Variants in PCDHA5 observed in about 807,000 individuals in gnomAD.
The protein encoded by PCDHA5 is protocadherin alpha-5.
In PCDHA5, 43 loss-of-function variants were observed where a neutral mutation model predicts 61.6. The observed-to-expected ratio is 0.70, with a 90% CI of 0.55 to 0.90. The LOEUF (loss-of-function observed/expected upper bound fraction) is 0.90, where lower values mean the gene tolerates loss of function less well. Among genes scored for constraint, PCDHA5 ranks in the 40% least tolerant of loss-of-function variants. PCDHA5 has a pLI of 0.00. For missense variants in PCDHA5, 1,298 were observed against 1,222.7 expected (o/e 1.06, Z -0.92); for synonymous variants, 627 against 543.9 (o/e 1.15, Z -2.13).
chr5:140,925,762 T>G (rs1172229426), intron 1 of PCDHA5, among the ~76,000 whole-genome samples: 3 of 152,052 alleles, frequency 2.0e-5, no homozygotes, highest in African/African-American at 7.2e-5. Flanking sequence ...ACAGAGTAGT[T>G]TCCTGGTCAA....
At chr5:140,926,281 T>A (rs2083071196) in intron 1 of PCDHA5, 1 of 152,306 alleles carries the variant, frequency 6.6e-6, no homozygotes, top group African/African-American at 2.4e-5. Context: ...GCTCGGCAGC[T>A]CCACGCTGAG....
chr5:140,888,611 G>T (rs1554183538), intron 1 of PCDHA5, among the ~76,000 whole-genome samples: 1 of 152,144 alleles, frequency 6.6e-6, no homozygotes, highest in Non-Finnish European at 1.5e-5. Context: ...TTTTAGTGTA[G>T]CACTAATTCG....
intron 3 of PCDHA5, among the ~76,000 whole-genome samples, chr5:140,989,548 T>G (rs914557459): frequency 1.3e-5 from 2 of 152,166 alleles, no homozygotes; most frequent in Non-Finnish European, 2.9e-5. Flanking sequence ...TGTAATTCCT[T>G]TACGTTTTGT....
At position 140,829,501 on chromosome 5, in the gene PCDHA5, G is replaced by C. The variant is rs2150169011; in HGVS notation, c.2352+5374G>C. 1.4e-5 allele frequency: 23 copies of C among 1,613,442 alleles called. No individual in the cohort carries two copies. The East Asian group carries it at 2.2e-4, about 16-fold the overall frequency. ...TGTTCGTGAAGGAGAACAACCCGCC[G>C]GGCTGCCACATCTTCACGGTGTCTG... On this transcript the variant is annotated intron_variant, in intron 1 of 3. Transcript: ENST00000529859.
intron 1 of PCDHA5, chr5:140,851,685 G>T: frequency 1.1e-6 from 1 of 926,488 alleles, no homozygotes; most frequent in Non-Finnish European, 1.3e-6. Context: ...TCTCCATTCA[G>T]TGATAAAATG....
chr5:140,884,158 G>A (rs376345503), intron 1 of PCDHA5: 8 of 1,613,488 alleles, frequency 5.0e-6, no homozygotes, highest in African/African-American at 1.3e-5. Context: ...ACACTGGCGA[G>A]ATCAGCACGA....
intron 1 of PCDHA5, chr5:140,852,294 C>T (rs1467732169): frequency 2.1e-6 from 1 of 469,886 alleles, no homozygotes; most frequent in Non-Finnish European, 2.9e-6. Flanking sequence ...TTTTATTTTT[C>T]TGAGACGGAG....
chr5:140,983,711 G>C (rs2097062291), intron 3 of PCDHA5, among the ~76,000 whole-genome samples: 1 of 152,202 alleles, frequency 6.6e-6, no homozygotes, highest in Non-Finnish European at 1.5e-5. Context: ...AGTATATCTA[G>C]CACTTATATT....
chr5:140,822,642 G>A lies in PCDHA5; in HGVS notation c.867G>A (p.Lys289=), dbSNP rs1554128787. 5 of 1,610,646 alleles carry A rather than the reference G, an allele frequency of 3.1e-6. No individual in the cohort carries two copies. Among genetic ancestry groups the A allele is most frequent in the Non-Finnish European group, 3.4e-6 (4 of 1,177,940 alleles). ...GTAATCTTGTTCTTGACGATGTAAA[G>A]TCCAAATTTATAATTAATTCTAATA... ...FFSNLVLDDV[K]SKFIINSNTG... is the part of the protein sequence containing the mutation. Residue 289 remains lysine (K), a synonymous_variant, in exon 1 of 4, where the codon AAG becomes AAA. Coordinates refer to ENST00000529859, the MANE Select transcript of PCDHA5 (RefSeq NM_018908.3).
Position 140,822,858 on chromosome 5 carries a change from C to A in PCDHA5, c.1083C>A (p.Asp361Glu). The A allele has an allele frequency of 6.2e-7, 1 of 1,614,208 alleles. No individual in the cohort carries two copies. Among genetic ancestry groups the A allele is most frequent in the Non-Finnish European group, 8.5e-7 (1 of 1,180,042 alleles). The change falls in exon 1 of 4, where the codon GAC becomes GAA. Residue 361 changes from aspartate to glutamate, a missense_variant. Coordinates refer to ENST00000529859, the MANE Select transcript of PCDHA5 (RefSeq NM_018908.3). ...ITTLFLPVKE[D>E]APLSTVIALI... The stretch of plus-strand genomic sequence containing the variant: ...CCCTTTTCCTGCCTGTCAAAGAGGA[C>A]GCTCCACTCAGCACGGTCATTGCTC...
At position 141,009,688 on chromosome 5, in the gene PCDHA5, C is replaced by A. The variant is rs2098413722; in HGVS notation, c.2562C>A (p.Thr854=). 1 of 1,613,960 alleles carries A rather than the reference C, an allele frequency of 6.2e-7. No individual in the cohort carries two copies. Among genetic ancestry groups the A allele is most frequent in the Admixed American group, 1.7e-5 (1 of 59,994 alleles). ...CGGGTGTCAACAGCAACAGCTGGAC[C>A]TTTAAATACGGACCAGGCAACCCCA... ...VGAGVNSNSW[T]FKYGPGNPKQ... is the part of the protein sequence containing the mutation. Residue 854 remains threonine, a synonymous_variant, in exon 4 of 4, where the codon ACC becomes ACA. Transcript: ENST00000529859.
chr5:141,005,287 A>AT (rs1405339052), intron 3 of PCDHA5, among the ~76,000 whole-genome samples: 5 of 152,162 alleles, frequency 3.3e-5, no homozygotes, highest in Admixed American at 1.3e-4. Context: ...AAACAGATAC[A>AT]TTTTTTGCCT....
chr5:141,007,472 G>A (rs2098331789), intron 3 of PCDHA5, among the ~76,000 whole-genome samples: 1 of 151,844 alleles, frequency 6.6e-6, no homozygotes, highest in Non-Finnish European at 1.5e-5. Context: ...GGAGGCTGAG[G>A]CACGAGAATT....
At chr5:140,983,473 ATAG>A (rs746174585) in intron 3 of PCDHA5, among the ~76,000 whole-genome samples, 7 of 152,242 alleles carry the variant, frequency 4.6e-5, no homozygotes, top group Admixed American at 6.5e-5. Flanking sequence ...CATGATGATA[ATAG>A]TAGTTACTAA....
rs782250124 is a variant in PCDHA5, at chr5:140,870,603, C to G, written c.2352+46476C>G. 14 of 1,613,222 alleles carry G rather than the reference C, an allele frequency of 8.7e-6. No individual in the cohort carries two copies. In the Middle Eastern group the frequency reaches 5.0e-4, roughly 58 times the overall value. On this transcript the variant is annotated intron_variant, in intron 1 of 3. Coordinates refer to ENST00000529859, the MANE Select transcript of PCDHA5 (RefSeq NM_018908.3). ...CGCTGGTGGAGCGGCGGTTGGGCGA[C>G]CGCGCGCTGTCGAGCTACGTGTCGG...
intron 1 of PCDHA5, chr5:140,929,214 G>A: frequency 1.2e-6 from 2 of 1,614,076 alleles, no homozygotes; most frequent in Non-Finnish European, 1.7e-6. Context: ...TGCGTGGGGA[G>A]TACAATGCTG....
At chr5:140,889,904 TTGTCATAC>T (rs1320793501) in intron 1 of PCDHA5, among the ~76,000 whole-genome samples, 4 of 152,172 alleles carry the variant, frequency 2.6e-5, no homozygotes, top group Non-Finnish European at 5.9e-5. Context: ...TACCTTGAGA[TTGTCATAC>T]TGTAAAGAAG....
chr5:140,823,460 C>T lies in PCDHA5; in HGVS notation c.1685C>T (p.Pro562Leu), dbSNP rs2150125979. 19 of 1,613,290 alleles carry T rather than the reference C, an allele frequency of 1.2e-5. No homozygotes were observed. The highest frequency in any genetic ancestry group is 6.7e-5 in the Admixed American group (4 of 59,980). The part of the protein sequence containing the change: ...VFVLDENDNA[P>L]ALLVPRVGGT... ...GTGCTGGACGAGAACGACAACGCGC[C>T]GGCGCTGCTGGTGCCTCGAGTGGGT... The change falls in exon 1 of 4, where the codon CCG becomes CTG. Residue 562 changes from proline to leucine, a missense_variant. Coordinates refer to ENST00000529859, the MANE Select transcript of PCDHA5 (RefSeq NM_018908.3).
intron 1 of PCDHA5, among the ~76,000 whole-genome samples, chr5:140,952,804 C>T (rs191550367): frequency 2.6e-5 from 4 of 152,282 alleles, no homozygotes; most frequent in Non-Finnish European, 5.9e-5. Flanking sequence ...GCTCGCAGTT[C>T]TGCAGGCTGT....
Sources: allele counts gnomAD v4.1 joint callset (sites outside exome capture counted in the v4.1 genomes callset), GRCh38; gene constraint gnomAD v4.1.1; transcripts MANE v1.5; gene names NCBI Gene and HGNC (gene_info 2026-07-23, HGNC 2026-07-21).